PPP1R9A: variants seen among roughly 807,000 people sequenced by gnomAD.
The protein encoded by PPP1R9A is neurabin-1.
PPP1R9A carries 59 observed loss-of-function variants against 141.9 expected under a neutral mutation model. The ratio of observed to expected loss-of-function variants is 0.42; its 90% CI spans 0.34 to 0.52. The LOEUF (loss-of-function observed/expected upper bound fraction) is 0.52. Among genes scored for constraint, PPP1R9A ranks in the 20% least tolerant of loss-of-function variants. The probability of loss-of-function intolerance (pLI) is 0.10; values close to 1 mark genes in which losing one functional copy is unlikely to be tolerated. For missense variants in PPP1R9A, 1,444 were observed against 1,611.9 expected (o/e 0.90, Z 1.78); for synonymous variants, 500 against 569.7 (o/e 0.88, Z 1.74).
chr7:94,940,375 C>A (rs1269623229), intron 2 of PPP1R9A, among the ~76,000 whole-genome samples: 1 of 151,468 alleles, frequency 6.6e-6, no homozygotes, highest in African/African-American at 2.4e-5. Context: ...TTAAGTACAG[C>A]TCATTGGAAC....
At chr7:95,028,252 T>C (rs1807171982) in intron 2 of PPP1R9A, among the ~76,000 whole-genome samples, 1 of 152,148 alleles carries the variant, frequency 6.6e-6, no homozygotes, top group South Asian at 2.1e-4. Context: ...ATTTTGATGA[T>C]TTTAGATCAA....
chr7:95,023,268 A>G (rs1806267981), intron 2 of PPP1R9A, among the ~76,000 whole-genome samples: 2 of 151,958 alleles, frequency 1.3e-5, no homozygotes, highest in African/African-American at 4.8e-5. Flanking sequence ...ATTTTTGTAG[A>G]GTTGTTTATA....
chr7:95,137,157 C>T (rs948436178), intron 4 of PPP1R9A, among the ~76,000 whole-genome samples: 56 of 151,496 alleles, frequency 3.7e-4, no homozygotes, highest in Non-Finnish European at 6.6e-4. Context: ...CATATGTATA[C>T]GTGTGCCATG....
intron 5 of PPP1R9A, among the ~76,000 whole-genome samples, chr7:95,172,020 G>T (rs563932427): frequency 4.0e-5 from 6 of 151,674 alleles, no homozygotes; most frequent in African/African-American, 1.4e-4. Flanking sequence ...TAGGATTAAG[G>T]TAAAAGTCAT....
At chr7:95,207,073 G>A (rs992146806) in intron 7 of PPP1R9A, among the ~76,000 whole-genome samples, 4 of 151,478 alleles carry the variant, frequency 2.6e-5, no homozygotes, top group Admixed American at 2.6e-4. Flanking sequence ...AAAAAAAAAA[G>A]CATATCTTTC....
chr7:95,006,048 TA>T (rs1374136432), intron 2 of PPP1R9A, among the ~76,000 whole-genome samples: 6 of 152,098 alleles, frequency 3.9e-5, no homozygotes, highest in African/African-American at 1.4e-4. Context: ...GATGGTAGGA[TA>T]TTTTTATTAA....
intron 2 of PPP1R9A, among the ~76,000 whole-genome samples, chr7:95,070,607 A>ATATATATATATATATATATATG: frequency 7.8e-6 from 1 of 128,252 alleles, no homozygotes; most frequent in African/African-American, 2.7e-5. Flanking sequence ...ATATATATAT[A>ATATATATATATATATATATATG]TATACACACA....
intron 2 of PPP1R9A, among the ~76,000 whole-genome samples, chr7:94,986,877 TTGGCTTA>T (rs1334173869): frequency 6.6e-6 from 1 of 152,144 alleles, no homozygotes; most frequent in Non-Finnish European, 1.5e-5. Flanking sequence ...TATTATAAGA[TTGGCTTA>T]TGCCAGATCT....
intron 10 of PPP1R9A, among the ~76,000 whole-genome samples, chr7:95,250,967 G>A (rs1798793822): frequency 6.6e-6 from 1 of 151,986 alleles, no homozygotes; most frequent in African/African-American, 2.4e-5. Flanking sequence ...CAAATAAGTA[G>A]TACCAGTACC....
At chr7:95,274,536 A>C (rs538660468) in intron 16 of PPP1R9A, among the ~76,000 whole-genome samples, 1 of 152,238 alleles carries the variant, frequency 6.6e-6, no homozygotes, top group African/African-American at 2.4e-5. Flanking sequence ...TATTAAGTCT[A>C]AAAGGATAAT....
At chr7:95,207,353 A>G (rs755079412) in intron 7 of PPP1R9A, among the ~76,000 whole-genome samples, 1 of 152,222 alleles carries the variant, frequency 6.6e-6, no homozygotes, top group Non-Finnish European at 1.5e-5. Context: ...CAAAAGTAGT[A>G]CAACTTTGAT....
chr7:95,152,319 G>A (rs116186844), intron 4 of PPP1R9A, among the ~76,000 whole-genome samples: 1,571 of 152,054 alleles, frequency 0.01, 25 homozygotes, highest in African/African-American at 0.037. Flanking sequence ...ATAATTCCAG[G>A]TAAATTGTTA....
At chr7:95,229,061 G>A (rs942648330) in intron 8 of PPP1R9A, among the ~76,000 whole-genome samples, 1 of 152,006 alleles carries the variant, frequency 6.6e-6, no homozygotes, top group Non-Finnish European at 1.5e-5. Context: ...AATGAAGGTT[G>A]CCACAGCACT....
intron 2 of PPP1R9A, among the ~76,000 whole-genome samples, chr7:94,973,693 T>G (rs1006301207): frequency 4.0e-5 from 6 of 151,860 alleles, no homozygotes; most frequent in Admixed American, 2.0e-4. Flanking sequence ...AAGTGGTGTT[T>G]TAGAAATTTT....
At chr7:95,109,509 A>G (rs1413010457) in intron 2 of PPP1R9A, among the ~76,000 whole-genome samples, 2 of 152,216 alleles carry the variant, frequency 1.3e-5, no homozygotes, top group Admixed American at 1.3e-4. Context: ...AAGGATCAAA[A>G]GAGCTGTCTA....
chr7:95,250,347 A>G (rs2153004958), intron 10 of PPP1R9A, 92 bp downstream of exon 10: 2 of 1,130,292 alleles, frequency 1.8e-6, no homozygotes, highest in East Asian at 5.1e-5. Context: ...AACAGAAAAG[A>G]TGACCTTAGA....
rs6957222 is a variant in PPP1R9A, at chr7:95,090,669, G to A, written c.1396-20590G>A. ...CTAAAAATGCACAAATTAGCCAGGTGTGGTGGTGTGCACATATAATCCCAG... is the reference window on the plus strand; with the variant it reads ...CTAAAAATGCACAAATTAGCCAGGTATGGTGGTGTGCACATATAATCCCAG... On this transcript the variant is annotated intron_variant, in intron 2 of 19. Transcript: ENST00000433360. Among the ~76,000 whole-genome samples, 828 of 151,912 alleles carry A rather than the reference G, an allele frequency of 5.5e-3. 6 individuals are homozygous for A. Among genetic ancestry groups the A allele is most frequent in the Non-Finnish European group, 8.2e-3 (560 of 67,990 alleles).
At chr7:95,002,447 G>C (rs999553014) in intron 2 of PPP1R9A, among the ~76,000 whole-genome samples, 1 of 152,148 alleles carries the variant, frequency 6.6e-6, no homozygotes, top group African/African-American at 2.4e-5. Context: ...GTGAAGATGG[G>C]AATAAGTTCA....
chr7:95,010,021 T>C (rs2151610445), intron 2 of PPP1R9A, among the ~76,000 whole-genome samples: 1 of 152,362 alleles, frequency 6.6e-6, no homozygotes, highest in Non-Finnish European at 1.5e-5. Flanking sequence ...TTTCTGGTAC[T>C]GTATGTACTA....
Sources: allele counts gnomAD v4.1 joint callset (sites outside exome capture counted in the v4.1 genomes callset), GRCh38; gene constraint gnomAD v4.1.1; transcripts MANE v1.5; gene names NCBI Gene and HGNC (gene_info 2026-07-23, HGNC 2026-07-21).